Variants in MAF observed in about 807,000 individuals in gnomAD.
MAF encodes MAF bZIP transcription factor, also known as transcription factor Maf.
A neutral mutation model predicts 22.0 loss-of-function variants in MAF; 10 were observed. The ratio of observed to expected loss-of-function variants is 0.45; its 90% CI spans 0.28 to 0.77. MAF has a LOEUF of 0.77. MAF is among the 30% of genes least tolerant of loss of function. MAF has a pLI of 0.12. For missense variants in MAF, 544 were observed against 548.4 expected (o/e 0.99, Z 0.08); for synonymous variants, 337 against 255.8 (o/e 1.32, Z -3.03).
the MAF span, among the ~76,000 whole-genome samples, chr16:79,297,160 C>T: frequency 1.3e-5 from 2 of 152,188 alleles, no homozygotes; most frequent in African/African-American, 4.8e-5. Context: ...TAAGGCCCTG[C>T]TCCATCATTT....
At chr16:79,321,455 G>A in the MAF span, among the ~76,000 whole-genome samples, 36 of 152,284 alleles carry the variant, frequency 2.4e-4, no homozygotes, top group African/African-American at 7.9e-4. Flanking sequence ...AGAACATGGA[G>A]GCTAGAGAGG....
At chr16:79,581,375 G>C (rs2143663119), downstream of MAF, among the ~76,000 whole-genome samples, 1 of 152,218 alleles carries the variant, frequency 6.6e-6, no homozygotes, top group East Asian at 1.9e-4. Context: ...GGCAACAAAA[G>C]GTCTCTATTT....
the MAF span, among the ~76,000 whole-genome samples, chr16:79,436,146 G>A: frequency 1.3e-5 from 2 of 152,164 alleles, no homozygotes; most frequent in Non-Finnish European, 2.9e-5. Flanking sequence ...GCAGTGGCAT[G>A]ATCTCGGCTC....
the MAF span, among the ~76,000 whole-genome samples, chr16:79,462,225 C>G: frequency 6.6e-6 from 1 of 152,214 alleles, no homozygotes; most frequent in African/African-American, 2.4e-5. Context: ...TGCAAACATA[C>G]TCTGCACTGA....
chr16:79,378,350 A>G, the MAF span, among the ~76,000 whole-genome samples: 1 of 152,210 alleles, frequency 6.6e-6, no homozygotes, highest in East Asian at 1.9e-4. Context: ...ATTAAGAGAA[A>G]AAAGGAAGCC....
chr16:79,576,861 T>C, the MAF span, among the ~76,000 whole-genome samples: 3 of 152,348 alleles, frequency 2.0e-5, no homozygotes, highest in South Asian at 2.1e-4. Flanking sequence ...GCTATTCCTA[T>C]CTTACAGATG....
At chr16:79,300,726 AT>A in the MAF span, among the ~76,000 whole-genome samples, 1 of 152,056 alleles carries the variant, frequency 6.6e-6, no homozygotes, top group Non-Finnish European at 1.5e-5. Flanking sequence ...GACAAAAAAA[AT>A]TCATTTAATT....
At chr16:79,583,270 C>G (rs115723473), downstream of MAF, among the ~76,000 whole-genome samples, 160 of 152,282 alleles carry the variant, frequency 1.1e-3, no homozygotes, top group African/African-American at 3.0e-3. Context: ...AATCATAAAG[C>G]CTTCCTTACG....
chr16:79,573,167 T>A, the MAF span, among the ~76,000 whole-genome samples: 1 of 152,204 alleles, frequency 6.6e-6, no homozygotes, highest in Non-Finnish European at 1.5e-5. Flanking sequence ...TTAAGGAAAT[T>A]AGGTTTTTGA....
chr16:79,592,282 C>T (rs1453586933), downstream of MAF, among the ~76,000 whole-genome samples: 1 of 152,156 alleles, frequency 6.6e-6, no homozygotes, highest in East Asian at 1.9e-4. Context: ...TCTTTATGCC[C>T]TAACAATCAT....
chr16:79,504,462 A>G, the MAF span, among the ~76,000 whole-genome samples: 1 of 152,370 alleles, frequency 6.6e-6, no homozygotes, highest in Admixed American at 6.5e-5. Context: ...TATTTTGGAG[A>G]CAAAAACAAG....
chr16:79,421,038 GA>G, the MAF span, among the ~76,000 whole-genome samples: 10,367 of 125,704 alleles, frequency 0.082, 934 homozygotes, highest in African/African-American at 0.24. Context: ...GTCTCAAAAA[GA>G]AAAAAAAAAA....
chr16:79,272,594 T>C, the MAF span, among the ~76,000 whole-genome samples: 1 of 152,210 alleles, frequency 6.6e-6, no homozygotes, highest in Non-Finnish European at 1.5e-5. Flanking sequence ...ATCTCTGAAC[T>C]TCCTGAGGTT....
the MAF span, among the ~76,000 whole-genome samples, chr16:79,286,995 G>A: frequency 2.0e-5 from 3 of 152,156 alleles, no homozygotes. Flanking sequence ...ATTAAAAACC[G>A]AAGCCAGAAG....
At chr16:79,534,126 G>T in the MAF span, among the ~76,000 whole-genome samples, 1 of 152,190 alleles carries the variant, frequency 6.6e-6, no homozygotes, top group Admixed American at 6.5e-5. Context: ...GCCTAACATT[G>T]GCTATTCAGA....
At chr16:79,216,811 CTTT>C in the MAF span, among the ~76,000 whole-genome samples, 162 of 140,888 alleles carry the variant, frequency 1.1e-3, no homozygotes, top group Middle Eastern at 7.2e-3. Context: ...CTATCTGCTA[CTTT>C]TTTTTTTTTT....
At chr16:79,500,077 G>A in the MAF span, among the ~76,000 whole-genome samples, 4 of 152,290 alleles carry the variant, frequency 2.6e-5, no homozygotes, top group African/African-American at 9.6e-5. Context: ...GGCAAGCACC[G>A]GACCTTTGCC....
the MAF span, among the ~76,000 whole-genome samples, chr16:79,277,974 C>T: frequency 1.3e-5 from 2 of 152,106 alleles, no homozygotes; most frequent in African/African-American, 2.4e-5. Flanking sequence ...AGGATCTGCC[C>T]AGCGCTACTA....
the MAF span, among the ~76,000 whole-genome samples, chr16:79,207,352 C>T: frequency 6.6e-6 from 1 of 152,230 alleles, no homozygotes; most frequent in Non-Finnish European, 1.5e-5. Flanking sequence ...TTAGCCAAAC[C>T]TGCTCACTTC....
Sources: allele counts gnomAD v4.1 joint callset (sites outside exome capture counted in the v4.1 genomes callset), GRCh38; gene constraint gnomAD v4.1.1; transcripts MANE v1.5; gene names NCBI Gene and HGNC (gene_info 2026-07-23, HGNC 2026-07-21).